Variants in BNIP1 observed in about 807,000 individuals in gnomAD.
BNIP1 encodes vesicle transport protein SEC20.
A neutral mutation model predicts 28.5 loss-of-function variants in BNIP1; 25 were observed. That is an observed-to-expected ratio of 0.88 (90% CI 0.64 to 1.23). The LOEUF is 1.23. Among genes scored for constraint, BNIP1 ranks in the 50% most tolerant of loss-of-function variants. The probability of loss-of-function intolerance (pLI) is 0.00; values close to 1 mark genes in which losing one functional copy is unlikely to be tolerated. For missense variants in BNIP1, 276 were observed against 277.0 expected, an observed-to-expected ratio of 1.00 and a Z score of 0.02; for synonymous variants, 118 against 101.7, an observed-to-expected ratio of 1.16 and a Z score of -0.96.
chr5:173,160,112 T>TAGA, intron 5 of BNIP1, 61 bp downstream of exon 5: 1 of 1,489,374 alleles, frequency 6.7e-7, no homozygotes, highest in Non-Finnish European at 9.3e-7. Flanking sequence ...GCCCTTGCCC[T>TAGA]GGCACCTCCA....
intron 2 of BNIP1, among the ~76,000 whole-genome samples, chr5:173,149,782 G>A (rs1465534433): frequency 6.6e-6 from 1 of 152,156 alleles, no homozygotes; most frequent in Non-Finnish European, 1.5e-5. Flanking sequence ...ACAAAAGCAG[G>A]AGCAAGAGAG....
intron 2 of BNIP1, among the ~76,000 whole-genome samples, chr5:173,148,692 A>G (rs1351181454): frequency 6.6e-6 from 1 of 152,090 alleles, no homozygotes; most frequent in Non-Finnish European, 1.5e-5. Context: ...ATCTGGAGAC[A>G]TTCCTGCCGG....
chr5:173,160,030 G>T lies in BNIP1; in HGVS notation c.469G>T (p.Glu157Ter), dbSNP rs768091546. ...RMMAQQVQQS[E>*]EAMQSLVTSS... Reference sequence around the variant, plus strand: ...GATGGCCCAGCAGGTCCAGCAGAGCGAGGAGGCCATGCAGTCTCTAGGTAA... The same window carrying T: ...GATGGCCCAGCAGGTCCAGCAGAGCTAGGAGGCCATGCAGTCTCTAGGTAA... The change falls in exon 5 of 6, where the codon GAG (glutamate) becomes TAG (stop). Residue 157 changes from glutamate to a stop codon, truncating the protein, a stop_gained. Coordinates refer to ENST00000351486, the MANE Select transcript of BNIP1 (RefSeq NM_001205.3). LOFTEE classifies it high-confidence loss of function. 3 of 1,613,870 alleles carry T rather than the reference G, an allele frequency of 1.9e-6. No homozygotes were observed. The highest frequency in any genetic ancestry group is 2.5e-6 in the Non-Finnish European group (3 of 1,179,972).
At chr5:173,163,595 T>C (rs1187578759) in intron 5 of BNIP1, 130 bp from the exon 6 acceptor site, 1 of 803,968 alleles carries the variant, frequency 1.2e-6, no homozygotes, top group Admixed American at 3.1e-5. Flanking sequence ...GGTCTCCACA[T>C]GCTTTGATTC....
rs1760138909 is a variant in BNIP1 at position 173,154,910 on chromosome 5, A to G, written c.269+497A>G. Among the ~76,000 whole-genome samples the G allele has an allele frequency of 2.0e-5, 3 of 152,214 alleles. No homozygotes were observed. In the South Asian group the frequency reaches 6.2e-4, roughly 32 times the overall value. ...AGTGGGGAAGGGATAAATAGGGCCT[A>G]TCTGAGCAGGTGGAGCTGAACATAG... On this transcript the variant is annotated intron_variant, in intron 3 of 5. Transcript: ENST00000351486.
At position 173,159,929 on chromosome 5, in the gene BNIP1, T is replaced by C. The variant is rs751826984; in HGVS notation, c.372-4T>C. On this transcript the variant is annotated splice_polypyrimidine_tract_variant and splice_region_variant and intron_variant, in intron 4 of 5. Transcript: ENST00000351486. ...CTCCCCTTTCTCTTCCTCTGAACTT[T>C]TAGGAAAACCACCAAAGAGAGCCTG... is the stretch of plus-strand genomic sequence containing the variant. 1.2e-6 allele frequency: 2 copies of C among 1,613,668 alleles called. No homozygotes were observed. Among genetic ancestry groups the C allele is most frequent in the South Asian group, 2.2e-5 (2 of 91,032 alleles).
chr5:173,158,579 T>C (rs1760271307), intron 3 of BNIP1, among the ~76,000 whole-genome samples, 165 bp from the exon 4 acceptor site: 1 of 152,210 alleles, frequency 6.6e-6, no homozygotes, highest in South Asian at 2.1e-4. Context: ...CAAGAACAGT[T>C]GCTGGGGAAC....
rs1018525980 is a variant in BNIP1 at position 173,164,028 on chromosome 5, C to T, written c.*107C>T. ...GAGCCACACACCCCTCCGTTTGCAC[C>T]AGTTGCCTGCAGGTTGGATGGAACA... On this transcript the variant is annotated 3_prime_UTR_variant, in exon 6 of 6. Coordinates refer to ENST00000351486, the MANE Select transcript of BNIP1 (RefSeq NM_001205.3). This position sits in a 1 kb window ranked among gnomAD's most constrained non-coding sequence, Gnocchi z 4.0. 6.9e-6 allele frequency: 8 copies of T among 1,164,654 alleles called. No homozygotes were observed. Among genetic ancestry groups the T allele is most frequent in the Admixed American group, 5.3e-5 (2 of 37,664 alleles). 72.1% of individuals were successfully genotyped at this position (1,164,654 alleles called of 1,614,324 possible).
chr5:173,163,565 T>G (rs1760424295), intron 5 of BNIP1, among the ~76,000 whole-genome samples, 160 bp from the exon 6 acceptor site: 1 of 152,180 alleles, frequency 6.6e-6, no homozygotes, highest in Non-Finnish European at 1.5e-5. Flanking sequence ...GAGGAGCCTT[T>G]CCTTGTCAGC....
At chr5:173,145,470 C>T (rs1201409500) in intron 1 of BNIP1, among the ~76,000 whole-genome samples, 1 of 152,148 alleles carries the variant, frequency 6.6e-6, no homozygotes, top group Non-Finnish European at 1.5e-5. Context: ...GGCGCGATCT[C>T]GACTCGCGGC....
chr5:173,150,213 G>T (rs1172718539), intron 2 of BNIP1, among the ~76,000 whole-genome samples: 1 of 150,508 alleles, frequency 6.6e-6, no homozygotes, highest in Non-Finnish European at 1.5e-5. Context: ...AGCCAAGATT[G>T]TGCCACTGCA....
chr5:173,150,478 G>C (rs1237709466), intron 2 of BNIP1, among the ~76,000 whole-genome samples: 1 of 152,166 alleles, frequency 6.6e-6, no homozygotes, highest in Admixed American at 6.5e-5. Flanking sequence ...TGCTATTGGA[G>C]TTAACTATAT....
rs544606577 is a variant in BNIP1, at chr5:173,163,231, T to G, written c.491-494T>G. On this transcript the variant is annotated intron_variant, in intron 5 of 5. Transcript: ENST00000351486. ...TGAGGGACTGGTATGTGTGAGGGCT[T>G]ACGGCAGAGCCCGGGACACCCTTGC... is the stretch of plus-strand genomic sequence containing the variant. Among the ~76,000 whole-genome samples, 7 of 152,336 alleles carry G rather than the reference T, an allele frequency of 4.6e-5. No individual in the cohort carries two copies. In the East Asian group the frequency reaches 1.4e-3, roughly 29 times the overall value.
chr5:173,159,824 T>C, intron 4 of BNIP1, 109 bp from the exon 5 acceptor site: 3 of 915,052 alleles, frequency 3.3e-6, no homozygotes, highest in South Asian at 3.1e-5. Context: ...ATTTAAAATA[T>C]GTATACTAAT....
rs1227658948 is a variant in BNIP1 at position 173,151,543 on chromosome 5, G to A, written c.178-2779G>A. Reference sequence around the variant, plus strand: ...GTCTCTCATTCTTTTCTAAATAACTGTCATTTTTTTTTTTTTTTTTAGCCA... The same window carrying A: ...GTCTCTCATTCTTTTCTAAATAACTATCATTTTTTTTTTTTTTTTTAGCCA... On this transcript the variant is annotated intron_variant, in intron 2 of 5. Transcript: ENST00000351486. 7 of 1,487,856 alleles carry A rather than the reference G, an allele frequency of 4.7e-6. No individual in the cohort carries two copies. The Admixed American group carries it at 1.3e-4, about 27-fold the overall frequency. The allele number at this position is 1,487,856 out of a possible 1,614,324, so 92.2% of individuals were successfully genotyped here.
intron 2 of BNIP1, among the ~76,000 whole-genome samples, chr5:173,148,083 AATATATATATATATATATATATATAT>A (rs70984952): frequency 9.9e-5 from 4 of 40,292 alleles, no homozygotes; most frequent in East Asian, 1.2e-3. Context: ...AAAAAAAAAA[AATATATATATATATATATATATATAT>A]ATATATATAT....
rs527820086 is a variant in BNIP1, at chr5:173,151,508, A to G, written c.178-2814A>G. The G allele has an allele frequency of 9.7e-4, 1,505 of 1,545,740 alleles. 3 individuals carry two copies. Among genetic ancestry groups the G allele is most frequent in the Middle Eastern group, 9.6e-3 (52 of 5,416 alleles). On this transcript the variant is annotated intron_variant, in intron 2 of 5. Coordinates refer to ENST00000351486, the MANE Select transcript of BNIP1 (RefSeq NM_001205.3). ...AGTGTTGGGATTACAGGCAGGAGCC[A>G]CCACACCTGGTCTCTCATTCTTTTC...
chr5:173,147,091 T>G (rs1759861034), intron 2 of BNIP1, 133 bp downstream of exon 2: 5 of 653,326 alleles, frequency 7.7e-6, no homozygotes, highest in South Asian at 2.1e-5. Context: ...GACTCTGTAC[T>G]AACCTGCTCT....
intron 2 of BNIP1, among the ~76,000 whole-genome samples, chr5:173,147,644 C>G (rs931346479): frequency 1.3e-5 from 2 of 151,862 alleles, no homozygotes; most frequent in Admixed American, 6.6e-5. Context: ...AGTCACCAGT[C>G]ACATCATATA....
Sources: gnomAD v4.1 joint callset for allele counts (sites outside exome capture counted in the v4.1 genomes callset) on GRCh38, gnomAD v4.1.1 for gene constraint, Gnocchi (gnomAD v3.1) non-coding constraint, MANE v1.5 for transcripts, NCBI Gene and HGNC (gene_info 2026-07-23, HGNC 2026-07-21) for gene names.